The following KIFC3 variants were observed in gnomAD, a reference collection of about 807,000 sequenced individuals.
KIFC3 encodes the protein kinesin family member C3.
KIFC3 carries 60 observed loss-of-function variants against 101.8 expected under a neutral mutation model. The ratio of observed to expected loss-of-function variants is 0.59; its 90% CI spans 0.48 to 0.73. The LOEUF (loss-of-function observed/expected upper bound fraction) is 0.73. Among genes scored for constraint, KIFC3 ranks in the 30% least tolerant of loss-of-function variants. The pLI is 0.00. For missense variants in KIFC3, 966 were observed against 1,137.1 expected (o/e 0.85, Z 2.16); for synonymous variants, 476 against 482.7 (o/e 0.99, Z 0.18).
At chr16:57,780,680 T>A (rs2052624767) in intron 3 of KIFC3, among the ~76,000 whole-genome samples, 1 of 131,420 alleles carries the variant, frequency 7.6e-6, no homozygotes, top group African/African-American at 2.8e-5. Flanking sequence ...TTTTTTTTTT[T>A]TTTTTTTTTT....
chr16:57,764,270 GC>G, intron 11 of KIFC3, 23 bp from the exon 12 acceptor site: 1 of 1,341,570 alleles, frequency 7.5e-7, no homozygotes. Flanking sequence ...TGGGAGGGAG[GC>G]TGGTGGGGGG....
chr16:57,778,921 A>T (rs1352217171), intron 3 of KIFC3, among the ~76,000 whole-genome samples: 3 of 152,208 alleles, frequency 2.0e-5, no homozygotes, highest in African/African-American at 7.2e-5. Flanking sequence ...TAAATAAAGA[A>T]AATGAAAAAC....
chr16:57,837,396 A>C (rs1555480546), intron 1 of KIFC3, among the ~76,000 whole-genome samples: 2 of 151,934 alleles, frequency 1.3e-5, no homozygotes, highest in African/African-American at 4.8e-5. Flanking sequence ...TGAACCTGGA[A>C]GGCAGAGGTT....
intron 2 of KIFC3, 107 bp downstream of exon 2, chr16:57,797,965 C>T: frequency 6.5e-7 from 1 of 1,544,276 alleles, no homozygotes. Context: ...CTGTAATTAC[C>T]TGACAGCTCT....
upstream of KIFC3, chr16:57,803,231 G>C (rs782249248): frequency 2.8e-6 from 2 of 707,686 alleles, no homozygotes; most frequent in Admixed American, 4.0e-5. Flanking sequence ...CCTGCTACTG[G>C]GGCACCTAGA....
intron 1 of KIFC3, among the ~76,000 whole-genome samples, chr16:57,824,811 T>C (rs2055425485): frequency 6.6e-6 from 1 of 152,150 alleles, no homozygotes; most frequent in Non-Finnish European, 1.5e-5. Context: ...CGGTACCTTT[T>C]TCTAAGGAAT....
At chr16:57,808,263 G>A (rs570875912) in intron 1 of KIFC3, among the ~76,000 whole-genome samples, 45 of 152,278 alleles carry the variant, frequency 3.0e-4, no homozygotes, top group Non-Finnish European at 5.0e-4. Flanking sequence ...TAAGCACCAG[G>A]TAATAAAAAG....
intron 3 of KIFC3, chr16:57,775,035 G>C: frequency 6.6e-7 from 1 of 1,526,044 alleles, no homozygotes; most frequent in South Asian, 1.2e-5. Context: ...TGCAGGGAGA[G>C]TGGGGTTTGC....
chr16:57,775,729 G>GGGCA (rs1222726049), intron 3 of KIFC3: 2 of 985,478 alleles, frequency 2.0e-6, no homozygotes, highest in African/African-American at 3.5e-5. Context: ...GGCCACAAAG[G>GGGCA]GGCAGCAGGC....
chr16:57,807,292 A>G (rs782453305), upstream of KIFC3, among the ~76,000 whole-genome samples: 3 of 151,820 alleles, frequency 2.0e-5, no homozygotes, highest in African/African-American at 7.3e-5. Context: ...CCCCATAAGC[A>G]TGAATTTGGT....
At chr16:57,817,794 T>G (rs2055263733) in intron 1 of KIFC3, among the ~76,000 whole-genome samples, 1 of 152,196 alleles carries the variant, frequency 6.6e-6, no homozygotes, top group Non-Finnish European at 1.5e-5. Context: ...ATACACCATG[T>G]GTAATCTTCT....
At chr16:57,817,390 A>G (rs942771404) in intron 1 of KIFC3, among the ~76,000 whole-genome samples, 7 of 151,890 alleles carry the variant, frequency 4.6e-5, no homozygotes, top group African/African-American at 1.7e-4. Context: ...GAAAGAAAAG[A>G]AAAAGAAAAA....
chr16:57,772,242 C>T lies in KIFC3; in HGVS notation c.362G>A (p.Ser121Asn). The T allele has an allele frequency of 6.2e-7, 1 of 1,613,770 alleles. No homozygotes were observed. The highest frequency in any genetic ancestry group is 2.2e-5 in the East Asian group (1 of 44,872). ...EKLISQAQEV[S>N]RLRSELGGTD... ...CCTCACCAGCTCAGATCGCAGTCGGCTCACTTCCTGGGCCTGGCTAATGAG... is the reference window on the plus strand; with the variant it reads ...CCTCACCAGCTCAGATCGCAGTCGGTTCACTTCCTGGGCCTGGCTAATGAG... The change falls in exon 4 of 20, where the codon AGC (serine) becomes AAC (asparagine). Residue 121 changes from serine to asparagine, a missense_variant. Physicochemically the swap from Ser to Asn is conservative, Grantham distance 46 (BLOSUM62 1). Transcript: ENST00000445690.
rs556898294 is a variant in KIFC3, at chr16:57,775,117, C to G, written c.316-2829G>C. 7.9e-4 allele frequency: 1,108 copies of G among 1,409,000 alleles called. 6 individuals are homozygous for G. In the Middle Eastern group the frequency reaches 0.02, roughly 25 times the overall value. The allele number at this position is 1,409,000 out of a possible 1,614,324, so 87.3% of individuals were successfully genotyped here. ...CTGCGGCCCAGGGTTCTGTTCTGTCCTTGCATCACAATGGGAACCTGGGGG... is the reference window on the plus strand; with the variant it reads ...CTGCGGCCCAGGGTTCTGTTCTGTCGTTGCATCACAATGGGAACCTGGGGG... On this transcript the variant is annotated intron_variant, in intron 3 of 19. Coordinates refer to ENST00000445690, the MANE Select transcript of KIFC3 (RefSeq NM_001130100.2).
chr16:57,785,812 C>T (rs2965779), intron 3 of KIFC3: 176,186 of 293,894 alleles, frequency 0.6, 57,056 homozygotes, highest in Non-Finnish European at 0.68. Context: ...GGGGCGGCAG[C>T]GGCATAGGTT....
In KIFC3 at chr16:57,836,732, C is replaced by T. The variant is rs927916983; in HGVS notation, c.108+25997G>A. 4.6e-5 allele frequency among the ~76,000 whole-genome samples: 7 copies of T among 151,828 alleles called. No homozygotes were observed. In the East Asian group the frequency reaches 7.8e-4, roughly 17 times the overall value. On this transcript the variant is annotated intron_variant, in intron 1 of 2. Transcript: ENST00000563028. ...TTTGAGACAGGGTCTTGCTCTGTTG[C>T]GCAGGCTGGTGTATAGTGGTGCCAT...
At chr16:57,836,234 G>A (rs2149303485) in intron 1 of KIFC3, among the ~76,000 whole-genome samples, 1 of 152,132 alleles carries the variant, frequency 6.6e-6, no homozygotes, top group African/African-American at 2.4e-5. Flanking sequence ...TCCACCTCAG[G>A]CTCCCAAATA....
intron 1 of KIFC3, among the ~76,000 whole-genome samples, chr16:57,853,526 C>A (rs1375065251): frequency 6.6e-6 from 1 of 152,146 alleles, no homozygotes; most frequent in Non-Finnish European, 1.5e-5. Flanking sequence ...GAAAACAATT[C>A]ATTGGTGAAC....
chr16:57,815,562 T>C (rs2055200580), intron 1 of KIFC3: 1 of 1,289,510 alleles, frequency 7.8e-7, no homozygotes, highest in Non-Finnish European at 1.0e-6. Flanking sequence ...CCAACACTGA[T>C]GCCTTAGTCA....
Sources: allele counts gnomAD v4.1 joint callset (sites outside exome capture counted in the v4.1 genomes callset), GRCh38; gene constraint gnomAD v4.1.1; transcripts MANE v1.5; gene names NCBI Gene and HGNC (gene_info 2026-07-23, HGNC 2026-07-21).